The following DEPTOR variants were observed in gnomAD, a reference collection of about 807,000 sequenced individuals.
DEPTOR encodes the protein DEP domain-containing mTOR-interacting protein.
Under a neutral mutation model 41.6 loss-of-function variants are expected in DEPTOR, and 41 were observed. The observed-to-expected ratio is 0.98, with a 90% CI of 0.77 to 1.28. DEPTOR has a LOEUF of 1.28. Among genes scored for constraint, DEPTOR ranks in the 50% most tolerant of loss-of-function variants. The pLI is 0.00. For missense variants in DEPTOR, 514 were observed against 527.9 expected (o/e 0.97, Z 0.26); for synonymous variants, 195 against 192.3 (o/e 1.01, Z -0.12).
intron 8 of DEPTOR, among the ~76,000 whole-genome samples, chr8:120,029,640 C>T (rs748351480): frequency 9.2e-5 from 14 of 152,184 alleles, no homozygotes; most frequent in Non-Finnish European, 1.5e-4. Context: ...AGGTGATCCA[C>T]CCACCTCGGC....
chr8:120,009,434 G>A (rs372345156), intron 8 of DEPTOR, among the ~76,000 whole-genome samples: 8 of 151,972 alleles, frequency 5.3e-5, no homozygotes, highest in African/African-American at 1.4e-4. Context: ...CCACCGTGGC[G>A]AAACCCTATC....
At position 120,044,414 on chromosome 8, in the gene DEPTOR, C is replaced by T. The variant is rs532294374; in HGVS notation, c.1102-5162C>T. On this transcript the variant is annotated intron_variant, in intron 8 of 8. Transcript: ENST00000286234. ...TGCTGGGATTACAGGCATGAGCCAC[C>T]GTGCCTAGCCTGGAGAACCAAGCTT... Among the ~76,000 whole-genome samples, 23 of 152,228 alleles carry T rather than the reference C, an allele frequency of 1.5e-4. No individual in the cohort carries two copies. In the East Asian group the frequency reaches 4.5e-3, roughly 29 times the overall value.
At chr8:120,021,168 C>A (rs1812707720) in intron 8 of DEPTOR, among the ~76,000 whole-genome samples, 1 of 151,868 alleles carries the variant, frequency 6.6e-6, no homozygotes, top group Admixed American at 6.6e-5. Context: ...TTTGGGAGGC[C>A]AAGGCGGGCA....
intron 4 of DEPTOR, among the ~76,000 whole-genome samples, chr8:119,987,560 T>G (rs1828845821): frequency 6.6e-6 from 1 of 152,190 alleles, no homozygotes; most frequent in Admixed American, 6.5e-5. Context: ...TCGAGTGCTG[T>G]GCTGGGAGAT....
rs1812383301 is a variant in DEPTOR at position 120,003,208 on chromosome 8, G to T, written c.925+97G>T. ...GAGATAGCGGGAGACTAGTGTGTGG[G>T]TTCTAATAAGTTAGAGCATGCTCTT... On this transcript the variant is annotated intron_variant, in intron 6 of 8. Coordinates refer to ENST00000286234, the MANE Select transcript of DEPTOR (RefSeq NM_022783.4). The T allele has an allele frequency of 1.9e-6, 3 of 1,538,698 alleles. No homozygotes were observed. The East Asian group carries it at 6.8e-5, about 35-fold the overall frequency.
chr8:119,897,443 G>A (rs945627481), intron 1 of DEPTOR, among the ~76,000 whole-genome samples: 3 of 152,122 alleles, frequency 2.0e-5, no homozygotes, highest in Non-Finnish European at 2.9e-5. Context: ...TGAGGCAGGC[G>A]AATCATTTGA....
chr8:119,980,445 ATTTTTC>A (rs1828747580), intron 4 of DEPTOR, among the ~76,000 whole-genome samples: 2 of 113,906 alleles, frequency 1.8e-5, no homozygotes, highest in Non-Finnish European at 3.8e-5. Context: ...TGTGCATTTC[ATTTTTC>A]TTTTTTCTTT....
At chr8:120,011,746 T>C (rs1215364444) in intron 8 of DEPTOR, among the ~76,000 whole-genome samples, 2 of 152,240 alleles carry the variant, frequency 1.3e-5, no homozygotes, top group African/African-American at 4.8e-5. Context: ...CATTGTCAAC[T>C]CATTAACTAA....
At chr8:120,009,187 T>A in intron 8 of DEPTOR, 54 bp downstream of exon 8, 2 of 1,497,578 alleles carry the variant, frequency 1.3e-6, no homozygotes, top group Non-Finnish European at 1.8e-6. Context: ...TTCTTCATGC[T>A]AAATTGGCCA....
intron 8 of DEPTOR, among the ~76,000 whole-genome samples, chr8:120,009,734 G>A (rs1307251563): frequency 6.6e-6 from 1 of 152,008 alleles, no homozygotes; most frequent in African/African-American, 2.4e-5. Context: ...AAGCGTTTTG[G>A]CTTCATTTTT....
At chr8:119,917,151 A>G (rs774535003) in intron 1 of DEPTOR, among the ~76,000 whole-genome samples, 2 of 152,138 alleles carry the variant, frequency 1.3e-5, no homozygotes, top group African/African-American at 4.8e-5. Flanking sequence ...TCTTCAAAGT[A>G]TCTTTCTAGA....
chr8:119,933,487 C>CAT (rs1221111758), intron 3 of DEPTOR, among the ~76,000 whole-genome samples: 1 of 149,104 alleles, frequency 6.7e-6, no homozygotes, highest in East Asian at 1.9e-4. Flanking sequence ...CACACACACA[C>CAT]ACACACACAC....
chr8:119,905,475 GGAAA>G (rs1827650212), intron 1 of DEPTOR, among the ~76,000 whole-genome samples: 1 of 152,096 alleles, frequency 6.6e-6, no homozygotes, highest in South Asian at 2.1e-4. Flanking sequence ...AAGAGCAGGT[GGAAA>G]GAAAGGTTTG....
At chr8:119,909,322 T>A (rs1236489184) in intron 1 of DEPTOR, among the ~76,000 whole-genome samples, 1 of 152,212 alleles carries the variant, frequency 6.6e-6, no homozygotes, top group African/African-American at 2.4e-5. Flanking sequence ...AGATAACTGA[T>A]GAAATCTTTA....
At chr8:119,878,422 C>G (rs1030410948) in intron 1 of DEPTOR, among the ~76,000 whole-genome samples, 1 of 151,358 alleles carries the variant, frequency 6.6e-6, no homozygotes, top group Non-Finnish European at 1.5e-5. Context: ...CAGGTTCAAG[C>G]GATTCTCCTG....
chr8:119,968,240 TAATA>T (rs915919552), intron 4 of DEPTOR, among the ~76,000 whole-genome samples: 1 of 152,214 alleles, frequency 6.6e-6, no homozygotes, highest in African/African-American at 2.4e-5. Flanking sequence ...ATTAACTTAT[TAATA>T]AATAAACTCT....
chr8:119,948,793 T>A (rs1220786505), intron 3 of DEPTOR, among the ~76,000 whole-genome samples: 1 of 152,140 alleles, frequency 6.6e-6, no homozygotes, highest in African/African-American at 2.4e-5. Context: ...TAATTTTTAT[T>A]TATTTTTTTT....
chr8:120,046,321 C>T (rs1340564438), intron 8 of DEPTOR, among the ~76,000 whole-genome samples: 1 of 151,818 alleles, frequency 6.6e-6, no homozygotes, highest in African/African-American at 2.4e-5. Context: ...TAAAAGAAAC[C>T]CCGTACCCAT....
intron 6 of DEPTOR, among the ~76,000 whole-genome samples, chr8:120,005,979 C>G (rs1812431625): frequency 6.6e-6 from 1 of 152,090 alleles, no homozygotes; most frequent in South Asian, 2.1e-4. Context: ...TGTCTAATGC[C>G]TGAGTTTGAT....
Sources: gnomAD v4.1 joint callset for allele counts (sites outside exome capture counted in the v4.1 genomes callset) on GRCh38, gnomAD v4.1.1 for gene constraint, MANE v1.5 for transcripts, NCBI Gene and HGNC (gene_info 2026-07-23, HGNC 2026-07-21) for gene names.